PCDH15: variants seen among roughly 807,000 people sequenced by gnomAD.
PCDH15 encodes the protein protocadherin related 15, also known as protocadherin-15.
Under a neutral mutation model 178.5 loss-of-function variants are expected in PCDH15, and 129 were observed. That is an observed-to-expected ratio of 0.72 (90% confidence interval 0.63 to 0.84). The LOEUF is 0.84. PCDH15 is among the 40% of genes least tolerant of loss of function. The pLI is 0.00. For synonymous variants in PCDH15, 800 were observed against 732.0 expected, an observed-to-expected ratio of 1.09 and a Z score of -1.50; for missense variants, 2,230 against 2,099.9, an observed-to-expected ratio of 1.06 and a Z score of -1.21.
chr10:55,455,434 A>C (rs1839529004), intron 2 of PCDH15, among the ~76,000 whole-genome samples: 1 of 152,142 alleles, frequency 6.6e-6, no homozygotes, highest in Non-Finnish European at 1.5e-5. Context: ...TAGCATTCAG[A>C]TCCTTAATAT....
intron 26 of PCDH15, among the ~76,000 whole-genome samples, chr10:53,888,302 A>G (rs867838880): frequency 5.6e-5 from 4 of 71,436 alleles, no homozygotes; most frequent in African/African-American, 2.3e-4. Context: ...ATATATATAT[A>G]TATATATGTA....
chr10:55,458,264 T>A (rs1056172320), intron 2 of PCDH15, among the ~76,000 whole-genome samples: 13 of 152,042 alleles, frequency 8.6e-5, no homozygotes, highest in African/African-American at 3.1e-4. Context: ...AAATGCAATA[T>A]ACCAAGAACT....
intron 15 of PCDH15, among the ~76,000 whole-genome samples, chr10:54,122,689 A>G (rs1343283326): frequency 6.6e-6 from 1 of 152,170 alleles, no homozygotes; most frequent in Non-Finnish European, 1.5e-5. Flanking sequence ...CTGATCAACA[A>G]TTTTAGCAAG....
At chr10:53,882,849 G>A (rs1480860120) in intron 26 of PCDH15, among the ~76,000 whole-genome samples, 1 of 152,128 alleles carries the variant, frequency 6.6e-6, no homozygotes, top group African/African-American at 2.4e-5. Flanking sequence ...ATGAAAAATT[G>A]TAAAAATGTA....
At chr10:55,306,373 T>C (rs930773303) in intron 1 of PCDH15, among the ~76,000 whole-genome samples, 1 of 152,254 alleles carries the variant, frequency 6.6e-6, no homozygotes, top group Non-Finnish European at 1.5e-5. Flanking sequence ...CCTTACACAG[T>C]TCCTATCAAT....
intron 18 of PCDH15, among the ~76,000 whole-genome samples, chr10:54,036,894 A>G (rs913541026): frequency 1.3e-5 from 2 of 151,960 alleles, no homozygotes; most frequent in Non-Finnish European, 2.9e-5. Flanking sequence ...TCATGGAAGG[A>G]GGTAAAAATA....
intron 21 of PCDH15, among the ~76,000 whole-genome samples, chr10:53,967,158 A>G (rs1286591425): frequency 6.6e-6 from 1 of 152,112 alleles, no homozygotes; most frequent in Non-Finnish European, 1.5e-5. Context: ...TCTTGGGACA[A>G]TGAGTGGCTT....
intron 2 of PCDH15, among the ~76,000 whole-genome samples, chr10:54,604,124 C>T (rs1388105774): frequency 1.3e-5 from 2 of 151,936 alleles, no homozygotes; most frequent in Admixed American, 1.3e-4. Context: ...TACACTTTCA[C>T]TCTATTGTGA....
intron 34 of PCDH15, among the ~76,000 whole-genome samples, chr10:53,816,613 T>C (rs2076068691): frequency 6.6e-6 from 1 of 152,222 alleles, no homozygotes; most frequent in Non-Finnish European, 1.5e-5. Context: ...AAGTACTGTG[T>C]GTCATATAAT....
chr10:54,321,241 C>T (rs2061586284), intron 7 of PCDH15, among the ~76,000 whole-genome samples: 1 of 149,378 alleles, frequency 6.7e-6, no homozygotes, highest in African/African-American at 2.4e-5. Context: ...ATTGCCTATA[C>T]TGACTTCAAA....
In PCDH15 at chr10:53,821,785, G is replaced by C. The variant is rs184835185; in HGVS notation, c.4368-1555C>G. The C allele has an allele frequency of 3.4e-4, 547 of 1,595,634 alleles. No homozygotes were observed. In the African/African-American group the frequency reaches 6.5e-3, roughly 19 times the overall value. On this transcript the variant is annotated intron_variant, in intron 32 of 37. Transcript: ENST00000644397. ...GTAAAATAATAGAGTCTTCTTTGAC[G>C]TTCAAATTTGATGTTCAACTTGAAG...
intron 10 of PCDH15, among the ~76,000 whole-genome samples, chr10:54,204,056 G>T (rs901409024): frequency 6.6e-6 from 1 of 152,000 alleles, no homozygotes; most frequent in Non-Finnish European, 1.5e-5. Flanking sequence ...TTATTTTTTG[G>T]CAATAACAAT....
chr10:54,443,545 A>T (rs1234174324), intron 3 of PCDH15, among the ~76,000 whole-genome samples: 1 of 151,678 alleles, frequency 6.6e-6, no homozygotes, highest in Non-Finnish European at 1.5e-5. Flanking sequence ...ATATGGAAAC[A>T]GATCCAGAGA....
At chr10:54,973,608 C>T (rs1390835877) in intron 2 of PCDH15, among the ~76,000 whole-genome samples, 1 of 152,114 alleles carries the variant, frequency 6.6e-6, no homozygotes, top group African/African-American at 2.4e-5. Flanking sequence ...GGTGACTGAT[C>T]AAGCTTCATT....
intron 2 of PCDH15, among the ~76,000 whole-genome samples, chr10:54,954,697 C>T (rs1331453493): frequency 6.6e-6 from 1 of 151,192 alleles, no homozygotes; most frequent in African/African-American, 2.4e-5. Context: ...AAAATACTTA[C>T]ACCAATTTTT....
intron 2 of PCDH15, among the ~76,000 whole-genome samples, chr10:55,125,124 A>C (rs1837864000): frequency 6.6e-6 from 1 of 151,462 alleles, no homozygotes; most frequent in Admixed American, 6.6e-5. Flanking sequence ...AAACACACGA[A>C]ACAATCAAAA....
At chr10:54,818,364 C>A (rs962695355) in intron 3 of PCDH15, among the ~76,000 whole-genome samples, 15 of 151,958 alleles carry the variant, frequency 9.9e-5, no homozygotes, top group Admixed American at 2.0e-4. Flanking sequence ...ATCCGTAGTC[C>A]CCCTCACAAA....
At chr10:54,768,982 T>A (rs2133239036) in intron 1 of PCDH15, among the ~76,000 whole-genome samples, 1 of 152,274 alleles carries the variant, frequency 6.6e-6, no homozygotes, top group South Asian at 2.1e-4. Flanking sequence ...AAATGCTCGT[T>A]CATTTTAATT....
At chr10:54,892,146 C>A (rs142764163) in intron 3 of PCDH15, among the ~76,000 whole-genome samples, 202 of 152,164 alleles carry the variant, frequency 1.3e-3, no homozygotes, top group African/African-American at 4.4e-3. Context: ...AAAGACTGAG[C>A]ATTTTTTTCA....
Sources: gnomAD v4.1 joint callset for allele counts (sites outside exome capture counted in the v4.1 genomes callset) on GRCh38, gnomAD v4.1.1 for gene constraint, MANE v1.5 for transcripts, NCBI Gene and HGNC (gene_info 2026-07-23, HGNC 2026-07-21) for gene names.